The following HECTD4 variants were observed in gnomAD, a reference collection of about 807,000 sequenced individuals.
HECTD4 encodes HECT domain E3 ubiquitin protein ligase 4.
In HECTD4, 114 loss-of-function variants were observed where a neutral mutation model predicts 471.5. The ratio of observed to expected loss-of-function variants is 0.24; its 90% CI spans 0.21 to 0.28. The LOEUF (loss-of-function observed/expected upper bound fraction) is 0.28, where lower values mean the gene tolerates loss of function less well. Among genes scored for constraint, HECTD4 ranks in the 10% least tolerant of loss-of-function variants. The pLI, the probability that HECTD4 is intolerant of heterozygous loss-of-function variation, is 1.00. For missense variants in HECTD4, 3,866 were observed against 5,651.5 expected (o/e 0.68, Z 10.13); for synonymous variants, 2,012 against 2,256.0 (o/e 0.89, Z 3.07).
chr12:112,196,355 G>A (rs561485558), intron 55 of HECTD4, among the ~76,000 whole-genome samples: 33 of 152,266 alleles, frequency 2.2e-4, no homozygotes, highest in Admixed American at 1.9e-3. Context: ...CATCGTAGGT[G>A]GTTTCTTCCT....
chr12:112,379,140 G>A (rs2036841930), intron 1 of HECTD4, among the ~76,000 whole-genome samples: 1 of 152,144 alleles, frequency 6.6e-6, no homozygotes, highest in South Asian at 2.1e-4. Context: ...TCTGTAGCCA[G>A]TTATGAAATT....
At chr12:112,175,917 C>G (rs1406953345) in intron 65 of HECTD4, 58 bp from the exon 66 acceptor site, 29 of 1,594,380 alleles carry the variant, frequency 1.8e-5, no homozygotes, top group Non-Finnish European at 1.6e-5. Context: ...TCGCGCGCCT[C>G]CAACGTGCTC....
At position 112,334,329 on chromosome 12, in the gene HECTD4, G is replaced by C. The variant is rs372099194; in HGVS notation, c.178-14587C>G. 2.7e-4 allele frequency among the ~76,000 whole-genome samples: 40 copies of C among 149,928 alleles called. No homozygotes were observed. In the East Asian group the frequency reaches 6.0e-3, roughly 23 times the overall value. On this transcript the variant is annotated intron_variant, in intron 1 of 75. Transcript: ENST00000682272. ...ATCTACAGTGAACTCAAACAAATTA[G>C]CAAGAAAAAAAAAACAATCCCATCA... is the stretch of plus-strand genomic sequence containing the variant.
rs1036934144 is a variant in HECTD4 at position 112,167,609 on chromosome 12, AG to A, written c.12313-72del. ...TGCCCGCCAGGGAACATGTGTTTCA[AG>A]CCACCATACCCTGTGGCAGGCAGGA... On this transcript the variant is annotated intron_variant, in intron 71 of 75. Transcript: ENST00000682272. The A allele has an allele frequency of 6.3e-6, 8 of 1,270,512 alleles. No individual in the cohort carries two copies. In the Admixed American group the frequency reaches 1.9e-4, roughly 30 times the overall value. The allele number at this position is 1,270,512 out of a possible 1,614,324, so 78.7% of individuals were successfully genotyped here.
In HECTD4 at chr12:112,208,491, T is replaced by C; in HGVS notation, c.8004+3A>G. 14 of 1,583,066 alleles carry C rather than the reference T, an allele frequency of 8.8e-6. No homozygotes were observed. The highest frequency in any genetic ancestry group is 1.8e-5 in the Admixed American group (1 of 54,410). On this transcript the variant is annotated splice_donor_region_variant and intron_variant, in intron 51 of 75. Transcript: ENST00000682272. ...TCCTGATCTAAGCCTGTGGGTCTCT[T>C]ACCTGAGGGATGTCATCATCGTCAT...
intron 1 of HECTD4, among the ~76,000 whole-genome samples, chr12:112,351,066 T>C (rs1040911003): frequency 1.3e-5 from 2 of 152,206 alleles, no homozygotes; most frequent in African/African-American, 4.8e-5. Flanking sequence ...CGTTTCATAT[T>C]CTACAGAGGA....
rs143860813 is a variant in HECTD4 at position 112,188,651 on chromosome 12, G to A, written c.9472+2135C>T. On this transcript the variant is annotated intron_variant, in intron 60 of 75. Transcript: ENST00000682272. The surrounding 1 kb of genome is among the most constrained non-coding windows in gnomAD (Gnocchi z 4.2). ...TGTACAGGATAAAAGATTACTGGCC[G>A]GGGGAATCCCAAGGGCCTGCTGAAG... 1.1e-4 allele frequency among the ~76,000 whole-genome samples: 17 copies of A among 152,326 alleles called. No homozygotes were observed. Among genetic ancestry groups the A allele is most frequent in the East Asian group, 7.7e-4 (4 of 5,194 alleles).
chr12:112,290,861 AAC>A lies in HECTD4; in HGVS notation c.1336-7561_1336-7560del, dbSNP rs1226235620. On this transcript the variant is annotated intron_variant, in intron 7 of 75. Coordinates refer to ENST00000682272, the MANE Select transcript of HECTD4 (RefSeq NM_001388303.1). ...GAAACTCCGTCTCAAAAAAAAACAA[AAC>A]AAAAAAAAAAAACAAATCACAGATA... Among the ~76,000 whole-genome samples, 31 of 147,658 alleles carry A rather than the reference AAC, an allele frequency of 2.1e-4. 2 individuals are homozygous for A. Among genetic ancestry groups the A allele is most frequent in the Admixed American group, 1.4e-3 (21 of 14,712 alleles).
rs1339793007 is a variant in HECTD4, at chr12:112,184,390, CCAACAGGCCCGGAGG to C, written c.10561_10575del (p.Pro3521_Leu3525del). 1.2e-6 allele frequency: 2 copies of C among 1,609,300 alleles called. No homozygotes were observed. Among genetic ancestry groups the C allele is most frequent in the Non-Finnish European group, 1.7e-6 (2 of 1,178,748 alleles). On this transcript the variant is annotated inframe_deletion, in exon 61 of 76. Transcript: ENST00000682272. This position sits in a 1 kb window ranked among gnomAD's most constrained non-coding sequence, Gnocchi z 9.1. ...TCCTGGCTGGACACCGCGTGGGGCT[CCAACAGGCCCGGAGG>C]GATGGGCAGCTCGAGGCCGGCAGGC... is the stretch of plus-strand genomic sequence containing the variant.
At position 112,256,276 on chromosome 12, in the gene HECTD4, A is replaced by T; in HGVS notation, c.3327+44T>A. 3 of 1,330,466 alleles carry T rather than the reference A, an allele frequency of 2.3e-6. No homozygotes were observed. The South Asian group carries it at 5.3e-5, about 23-fold the overall frequency. 82.4% of individuals were successfully genotyped at this position (1,330,466 alleles called of 1,614,324 possible). ...GAAAAATAAGAAGCATCTAAGAATC[A>T]GCTTACTCGAGGTGGAACCAATAGT... is the stretch of plus-strand genomic sequence containing the variant. On this transcript the variant is annotated intron_variant, in intron 21 of 75. Transcript: ENST00000682272.
intron 1 of HECTD4, among the ~76,000 whole-genome samples, chr12:112,339,992 T>C (rs952540631): frequency 6.6e-6 from 1 of 151,258 alleles, no homozygotes; most frequent in Non-Finnish European, 1.5e-5. Flanking sequence ...ATGGTTGCAG[T>C]GAGCCAAGAT....
In HECTD4 at chr12:112,230,710, T is replaced by G; in HGVS notation, c.6313A>C (p.Ile2105Leu). The G allele has an allele frequency of 6.2e-7, 1 of 1,611,162 alleles. No homozygotes were observed. Among genetic ancestry groups the G allele is most frequent in the Non-Finnish European group, 8.5e-7 (1 of 1,178,594 alleles). Residue 2105 changes from isoleucine (I) to leucine (L), a missense_variant, in exon 40 of 76, where the codon ATA becomes CTA. By Grantham distance (5) the Ile-to-Leu change is conservative. Transcript: ENST00000682272. ...LMAPESNAAQ[I>L]WTTTAEKVLS... ...ACCTTCTCTGCTGTTGTGGTCCATA[T>G]TTGAGCAGCATTTGATTCAGGTGCC...
chr12:112,345,699 T>C (rs1418776057), intron 1 of HECTD4, among the ~76,000 whole-genome samples: 1 of 152,050 alleles, frequency 6.6e-6, no homozygotes, highest in African/African-American at 2.4e-5. Context: ...ATCAAGACCA[T>C]CCTGGCTAAC....
chr12:112,175,264 G>A (rs900647792), intron 66 of HECTD4, among the ~76,000 whole-genome samples: 7 of 152,202 alleles, frequency 4.6e-5, no homozygotes, highest in Admixed American at 2.6e-4. Context: ...GGTCATCAGC[G>A]TGGGCTCCTA....
rs1323523922 is a variant in HECTD4 at position 112,163,277 on chromosome 12, G to A, written c.12898-13C>T. The A allele has an allele frequency of 1.2e-6, 2 of 1,602,714 alleles. No individual in the cohort carries two copies. Among genetic ancestry groups the A allele is most frequent in the Non-Finnish European group, 1.7e-6 (2 of 1,172,026 alleles). ...ACATGGTGTGGGCCTGGGGAGGAGA[G>A]GTCCAGGTGTCAGGAGCCCTGGAGC... On this transcript the variant is annotated splice_polypyrimidine_tract_variant and intron_variant, in intron 74 of 75. Transcript: ENST00000682272. The surrounding 1 kb of genome is among the most constrained non-coding windows in gnomAD (Gnocchi z 8.2).
chr12:112,243,537 G>T lies in HECTD4; in HGVS notation c.4792-18C>A. On this transcript the variant is annotated intron_variant, in intron 31 of 75. Transcript: ENST00000682272. The surrounding 1 kb of genome is among the most constrained non-coding windows in gnomAD (Gnocchi z 6.6). ...CTGGACACCTGAAACACACAAGGAG[G>T]GACACCTGACTCCTGCTAACTGCCG... The T allele has an allele frequency of 6.2e-7, 1 of 1,602,680 alleles. No individual in the cohort carries two copies. Among genetic ancestry groups the T allele is most frequent in the Non-Finnish European group, 8.5e-7 (1 of 1,174,384 alleles).
chr12:112,241,873 C>G (rs1320038012), intron 32 of HECTD4, among the ~76,000 whole-genome samples: 1 of 152,060 alleles, frequency 6.6e-6, no homozygotes, highest in African/African-American at 2.4e-5. Context: ...CAAGATTTCT[C>G]AAGATACTCA....
In HECTD4 at chr12:112,217,069, T is replaced by C. The variant is rs1566075913; in HGVS notation, c.7201A>G (p.Thr2401Ala). The stretch of plus-strand genomic sequence containing the variant: ...AGTGGTGAAGTGGCATAGATAAAAG[T>C]GCCCCGGGGCAGGCCTCCCCCAGCG... ...PSAGGGLPRG[T>A]FIYATSPLPV... Residue 2401 changes from threonine (T) to alanine (A), a missense_variant, in exon 46 of 76, where the codon ACT becomes GCT. Thr to Ala is a moderately conservative substitution (Grantham distance 58). Coordinates refer to ENST00000682272, the MANE Select transcript of HECTD4 (RefSeq NM_001388303.1). The C allele has an allele frequency of 1.9e-6, 3 of 1,582,992 alleles. No homozygotes were observed. The highest frequency in any genetic ancestry group is 4.5e-5 in the East Asian group (2 of 44,472).
At chr12:112,164,609 G>A (rs1047050395) in intron 72 of HECTD4, among the ~76,000 whole-genome samples, 1 of 151,860 alleles carries the variant, frequency 6.6e-6, no homozygotes, top group African/African-American at 2.4e-5. Flanking sequence ...ACTGCTTGAG[G>A]CTAATTATGC....
Sources: allele counts gnomAD v4.1 joint callset (sites outside exome capture counted in the v4.1 genomes callset), GRCh38; gene constraint gnomAD v4.1.1; non-coding constraint Gnocchi (gnomAD v3.1); transcripts MANE v1.5; gene names NCBI Gene and HGNC (gene_info 2026-07-23, HGNC 2026-07-21).